The following GRM1 variants were observed in gnomAD, a reference collection of about 807,000 sequenced individuals.
GRM1 encodes the protein metabotropic glutamate receptor 1.
In GRM1, 33 loss-of-function variants were observed where a neutral mutation model predicts 90.9. That is an observed-to-expected ratio of 0.36 (90% CI 0.28 to 0.49). GRM1 has a LOEUF of 0.49. Among genes scored for constraint, GRM1 ranks in the 20% least tolerant of loss-of-function variants. The pLI is 0.99. For missense variants in GRM1, 1,190 were observed against 1,534.3 expected, an observed-to-expected ratio of 0.78 and a Z score of 3.75; for synonymous variants, 700 against 613.2, an observed-to-expected ratio of 1.14 and a Z score of -2.09.
At chr6:146,139,944 GC>G (rs1454562500) in intron 1 of GRM1, among the ~76,000 whole-genome samples, 3 of 30,880 alleles carry the variant, frequency 9.7e-5, no homozygotes, top group Non-Finnish European at 1.6e-4. Flanking sequence ...CCCTTCCCCT[GC>G]CCTCCCCTCC....
chr6:146,389,976 G>A (rs1038783640), intron 6 of GRM1, among the ~76,000 whole-genome samples: 1 of 152,022 alleles, frequency 6.6e-6, no homozygotes, highest in Admixed American at 6.6e-5. Context: ...CGGTAGTTAT[G>A]AAATGAGAAA....
chr6:146,144,687 G>A (rs1391288644), intron 1 of GRM1, among the ~76,000 whole-genome samples: 1 of 152,224 alleles, frequency 6.6e-6, no homozygotes, highest in African/African-American at 2.4e-5. Flanking sequence ...AAATGTGGAA[G>A]TGGCTTTAGA....
At chr6:146,130,571 C>A (rs747036167) in intron 1 of GRM1, among the ~76,000 whole-genome samples, 2 of 151,872 alleles carry the variant, frequency 1.3e-5, no homozygotes, top group Non-Finnish European at 2.9e-5. Flanking sequence ...TTTCTTTCAC[C>A]TCAGTGAACT....
intron 2 of GRM1, among the ~76,000 whole-genome samples, chr6:146,268,207 G>A (rs1254308505): frequency 1.3e-5 from 2 of 152,100 alleles, no homozygotes; most frequent in Non-Finnish European, 2.9e-5. Flanking sequence ...GTAAGTAATT[G>A]ACACACATTT....
intron 7 of GRM1, among the ~76,000 whole-genome samples, chr6:146,414,219 A>G (rs925577490): frequency 6.6e-6 from 1 of 152,086 alleles, no homozygotes; most frequent in Non-Finnish European, 1.5e-5. Context: ...TAGCCACTCT[A>G]ATGCGTATGT....
chr6:146,062,855 T>C (rs914198745), intron 1 of GRM1, among the ~76,000 whole-genome samples: 12 of 152,180 alleles, frequency 7.9e-5, no homozygotes, highest in African/African-American at 2.9e-4. Context: ...GAACATTAAG[T>C]AGATATTTTC....
chr6:146,078,724 G>A (rs1012541611), intron 1 of GRM1, among the ~76,000 whole-genome samples: 11 of 152,220 alleles, frequency 7.2e-5, no homozygotes, highest in African/African-American at 2.2e-4. Context: ...AAAACAATGC[G>A]GTGGGATCAC....
chr6:146,364,473 C>A (rs1775604047), intron 5 of GRM1, among the ~76,000 whole-genome samples: 2 of 152,164 alleles, frequency 1.3e-5, no homozygotes, highest in Non-Finnish European at 2.9e-5. Context: ...TCCAGCCAGC[C>A]CAGCTGGCTA....
chr6:146,046,163 A>G (rs1791323021), intron 1 of GRM1, among the ~76,000 whole-genome samples: 1 of 152,020 alleles, frequency 6.6e-6, no homozygotes, highest in Non-Finnish European at 1.5e-5. Flanking sequence ...ATGTGGAAGT[A>G]CTTTGGAAAC....
At chr6:146,254,911 A>G (rs1781429440) in intron 2 of GRM1, among the ~76,000 whole-genome samples, 1 of 152,180 alleles carries the variant, frequency 6.6e-6, no homozygotes. Flanking sequence ...AGCCTCTCTC[A>G]TTTTATTGGC....
At chr6:146,250,354 G>A (rs1221967332) in intron 2 of GRM1, among the ~76,000 whole-genome samples, 1 of 152,144 alleles carries the variant, frequency 6.6e-6, no homozygotes, top group Non-Finnish European at 1.5e-5. Context: ...GTCAAGGGAG[G>A]AACCTAGTGG....
chr6:146,154,929 A>G (rs1387699311), intron 1 of GRM1, among the ~76,000 whole-genome samples: 1 of 152,200 alleles, frequency 6.6e-6, no homozygotes, highest in African/African-American at 2.4e-5. Flanking sequence ...AAGGTACTCT[A>G]TTGATAGCAA....
chr6:146,399,808 G>C lies in GRM1; in HGVS notation c.2660+109G>C. 1.3e-6 allele frequency: 1 copy of C among 764,768 alleles called. No homozygotes were observed. The highest frequency in any genetic ancestry group is 2.7e-5 in the East Asian group (1 of 37,400). 47.4% of individuals were successfully genotyped at this position (764,768 alleles called of 1,614,324 possible). ...CTCTCATATCTTCCTCTAGTTTTCT[G>C]AGTTGTCTCTTCCATTTCCCCCATG... is the stretch of plus-strand genomic sequence containing the variant. On this transcript the variant is annotated intron_variant, in intron 7 of 7. Coordinates refer to ENST00000282753, the MANE Select transcript of GRM1 (RefSeq NM_001278064.2). This position sits in a 1 kb window ranked among gnomAD's most constrained non-coding sequence, Gnocchi z 5.4.
chr6:146,233,631 T>C (rs1278903568), intron 2 of GRM1, among the ~76,000 whole-genome samples: 1 of 152,152 alleles, frequency 6.6e-6, no homozygotes, highest in Non-Finnish European at 1.5e-5. Context: ...CTGTTACTAA[T>C]TTCTAGTTTA....
chr6:146,086,153 G>T (rs905569472), intron 1 of GRM1, among the ~76,000 whole-genome samples: 1 of 152,020 alleles, frequency 6.6e-6, no homozygotes, highest in African/African-American at 2.4e-5. Flanking sequence ...TTCTAGTTTG[G>T]AAATGATTAC....
At chr6:146,426,641 T>C in intron 7 of GRM1, 3 of 1,359,280 alleles carry the variant, frequency 2.2e-6, no homozygotes, top group Non-Finnish European at 3.2e-6. Flanking sequence ...CTGCAGTGAA[T>C]GTGTAAGAGA....
intron 2 of GRM1, among the ~76,000 whole-genome samples, chr6:146,181,272 C>A (rs1334436900): frequency 6.6e-6 from 1 of 151,836 alleles, no homozygotes; most frequent in Non-Finnish European, 1.5e-5. Flanking sequence ...CAACAAAAAT[C>A]CACAAATTCT....
chr6:146,094,780 A>G (rs1776823038), intron 1 of GRM1, among the ~76,000 whole-genome samples: 2 of 152,128 alleles, frequency 1.3e-5, no homozygotes, highest in Admixed American at 6.6e-5. Flanking sequence ...CTATAGATTC[A>G]TGACTAAACT....
chr6:146,283,341 A>G (rs1165170484), intron 2 of GRM1, among the ~76,000 whole-genome samples: 1 of 152,210 alleles, frequency 6.6e-6, no homozygotes, highest in African/African-American at 2.4e-5. Context: ...TGAGTTAAGA[A>G]TGTCAAATAC....
Sources: allele counts gnomAD v4.1 joint callset (sites outside exome capture counted in the v4.1 genomes callset), GRCh38; gene constraint gnomAD v4.1.1; non-coding constraint Gnocchi (gnomAD v3.1); transcripts MANE v1.5; gene names NCBI Gene and HGNC (gene_info 2026-07-23, HGNC 2026-07-21).